LTN1: variants seen among roughly 807,000 people sequenced by gnomAD.
LTN1 encodes E3 ubiquitin-protein ligase listerin.
A neutral mutation model predicts 201.2 loss-of-function variants in LTN1; 88 were observed. The ratio of observed to expected loss-of-function variants is 0.44; its 90% CI spans 0.37 to 0.52. The LOEUF (loss-of-function observed/expected upper bound fraction) is 0.52, where lower values mean the gene tolerates loss of function less well. Among genes scored for constraint, LTN1 ranks in the 20% least tolerant of loss-of-function variants. LTN1 has a pLI of 0.00. For synonymous variants in LTN1, 645 were observed against 713.5 expected, an observed-to-expected ratio of 0.90 and a Z score of 1.53; for missense variants, 1,752 against 2,038.7, an observed-to-expected ratio of 0.86 and a Z score of 2.71.
Position 28,935,196 on chromosome 21 carries a change from T to C in LTN1, c.4788A>G (p.Arg1596=). 6.2e-7 allele frequency: 1 copy of C among 1,613,636 alleles called. No homozygotes were observed. Among genetic ancestry groups the C allele is most frequent in the Non-Finnish European group, 8.5e-7 (1 of 1,179,502 alleles). Residue 1596 remains arginine (R), a synonymous_variant, in exon 27 of 30, where the codon AGA becomes AGG. Coordinates refer to ENST00000361371, the MANE Select transcript of LTN1 (RefSeq NM_015565.3). ...CACTGCTGACATACTTGCTTGTAAATCTATCCACAATATTGAAAACACGCT... is the reference window on the plus strand; with the variant it reads ...CACTGCTGACATACTTGCTTGTAAACCTATCCACAATATTGAAAACACGCT... ...SEKRVFNIVD[R]FTSKYVSSVL... is the part of the protein sequence containing the mutation.
rs565479142 is a variant in LTN1 at position 28,992,433 on chromosome 21, C to T, written c.42+331G>A. 5.9e-5 allele frequency among the ~76,000 whole-genome samples: 9 copies of T among 152,246 alleles called. No homozygotes were observed. The South Asian group carries it at 1.7e-3, about 28-fold the overall frequency. ...AACATTCTCCCAACTCTCCTTCTTC[C>T]CAGCGCCGCCCTCCCCCAACCAACC... On this transcript the variant is annotated intron_variant, in intron 1 of 29. Coordinates refer to ENST00000361371, the MANE Select transcript of LTN1 (RefSeq NM_015565.3).
intron 25 of LTN1, among the ~76,000 whole-genome samples, chr21:28,937,514 T>C (rs552026383): frequency 6.6e-6 from 1 of 152,322 alleles, no homozygotes; most frequent in African/African-American, 2.4e-5. Context: ...ATTTATCCTT[T>C]CTTTGTGTAA....
At chr21:28,987,213 T>C (rs1346881011) in intron 1 of LTN1, among the ~76,000 whole-genome samples, 1 of 152,200 alleles carries the variant, frequency 6.6e-6, no homozygotes, top group African/African-American at 2.4e-5. Context: ...ATCAATATAA[T>C]GGACCATGAC....
chr21:28,967,243 A>C (rs1461482517), intron 9 of LTN1, 64 bp from the exon 10 acceptor site: 15 of 1,153,256 alleles, frequency 1.3e-5, no homozygotes, highest in Non-Finnish European at 1.8e-5. Flanking sequence ...CTCCTGGCAC[A>C]CAACTCTAAA....
intron 11 of LTN1, 21 bp downstream of exon 11, chr21:28,965,844 A>AG: frequency 1.5e-6 from 2 of 1,310,810 alleles, no homozygotes; most frequent in Non-Finnish European, 1.1e-6. Flanking sequence ...AAAAAAAAAG[A>AG]AAAAAAAATC....
In LTN1 at chr21:28,929,318, C is replaced by G. The variant is rs1264633624; in HGVS notation, c.*1130G>C. 1 of 152,518 alleles carries G rather than the reference C, an allele frequency of 6.6e-6. No individual in the cohort carries two copies. Among genetic ancestry groups the G allele is most frequent in the African/African-American group, 2.4e-5 (1 of 41,428 alleles). The allele number at this position is 152,518 out of a possible 1,614,324, so 9.4% of individuals were successfully genotyped here. On this transcript the variant is annotated 3_prime_UTR_variant, in exon 30 of 30. Coordinates refer to ENST00000361371, the MANE Select transcript of LTN1 (RefSeq NM_015565.3). ...GCTATTTCCATGTAATGGAAGACTG[C>G]AATAAAATTATTCCAAGTTCTAAAG... is the stretch of plus-strand genomic sequence containing the variant.
At chr21:28,980,787 G>C (rs2084652501) in intron 6 of LTN1, among the ~76,000 whole-genome samples, 1 of 152,034 alleles carries the variant, frequency 6.6e-6, no homozygotes, top group South Asian at 2.1e-4. Context: ...TAGTAGACCA[G>C]TCAGCCAGTG....
At chr21:28,932,394 T>C in intron 28 of LTN1, 76 bp downstream of exon 28, 1 of 1,156,552 alleles carries the variant, frequency 8.6e-7, no homozygotes, top group Non-Finnish European at 1.3e-6. Context: ...AAAAGATATA[T>C]TTTATGTTTA....
chr21:28,957,755 CT>C lies in LTN1; in HGVS notation c.2748-280del, dbSNP rs558521649. 2.1e-4 allele frequency among the ~76,000 whole-genome samples: 32 copies of C among 152,216 alleles called. No individual in the cohort carries two copies. The East Asian group carries it at 5.6e-3, about 27-fold the overall frequency. ...CAGACCAGGTATTTCAGAAATACAG[CT>C]ACCTTATGAAATGCAGCACTATTTT... On this transcript the variant is annotated intron_variant, in intron 14 of 29. Transcript: ENST00000361371.
intron 18 of LTN1, among the ~76,000 whole-genome samples, chr21:28,950,993 G>A (rs1022030425): frequency 1.3e-5 from 2 of 152,150 alleles, no homozygotes; most frequent in African/African-American, 4.8e-5. Flanking sequence ...GGTCACAGAT[G>A]TGAGCTACAC....
rs893195235 is a variant in LTN1, at chr21:28,986,219, T to C, written c.265A>G (p.Thr89Ala). 6.2e-7 allele frequency: 1 copy of C among 1,608,148 alleles called. No individual in the cohort carries two copies. The highest frequency in any genetic ancestry group is 1.3e-5 in the African/African-American group (1 of 74,818). Residue 89 changes from threonine to alanine, a missense_variant, in exon 3 of 30, where the codon ACC (threonine) becomes GCC (alanine). Coordinates refer to ENST00000361371, the MANE Select transcript of LTN1 (RefSeq NM_015565.3). This position sits in a 1 kb window ranked among gnomAD's most constrained non-coding sequence, Gnocchi z 4.1. ...TCTGTGTCTCTCTCTGTACACATGG[T>C]TCCAAATTCCTGCATAGCCTAAAAG... ...TKLKAMQEFG[T>A]MCTERDTETV... is the part of the protein sequence containing the mutation.
intron 27 of LTN1, among the ~76,000 whole-genome samples, chr21:28,934,709 G>A (rs529017044): frequency 3.3e-5 from 5 of 152,130 alleles, no homozygotes; most frequent in African/African-American, 1.2e-4. Flanking sequence ...CACCCACCTC[G>A]GCCTCCCAAA....
At chr21:28,957,207 A>C in intron 15 of LTN1, 125 bp downstream of exon 15, 1 of 964,404 alleles carries the variant, frequency 1.0e-6, no homozygotes, top group Non-Finnish European at 1.5e-6. Flanking sequence ...TGAGCATACA[A>C]AGACATCAAA....
rs755700130 is a variant in LTN1, at chr21:28,986,417, G to GT, written c.247-181dup. On this transcript the variant is annotated intron_variant, in intron 2 of 29. Transcript: ENST00000361371. The surrounding 1 kb of genome is among the most constrained non-coding windows in gnomAD (Gnocchi z 4.1). Reference sequence around the variant, plus strand: ...CTACTACGGTAGAAACTCTTCAGTTGTTTTTTTAAAAATAAAACATCTACA... The same window carrying GT: ...CTACTACGGTAGAAACTCTTCAGTTGTTTTTTTTAAAAATAAAACATCTACA... 7.3e-6 allele frequency: 5 copies of GT among 681,918 alleles called. No individual in the cohort carries two copies. Among genetic ancestry groups the GT allele is most frequent in the South Asian group, 3.2e-5 (2 of 62,834 alleles). 42.2% of individuals were successfully genotyped at this position (681,918 alleles called of 1,614,324 possible).
chr21:28,981,101 T>TA lies in LTN1; in HGVS notation c.810+17dup, dbSNP rs1224846303. ...AAGGAATCAGAGAAATGTCTTAAGA[T>TA]AAAAAAGATTAATATACCTGAGGTA... On this transcript the variant is annotated intron_variant, in intron 6 of 29. Coordinates refer to ENST00000361371, the MANE Select transcript of LTN1 (RefSeq NM_015565.3). The TA allele has an allele frequency of 3.5e-6, 5 of 1,441,132 alleles. No homozygotes were observed. In the South Asian group the frequency reaches 7.3e-5, roughly 21 times the overall value. The allele number at this position is 1,441,132 out of a possible 1,614,324, so 89.3% of individuals were successfully genotyped here. A position where few individuals can be genotyped will look rare whatever the true frequency, so the allele number is the denominator to read the frequency against.
rs2146318569 is a variant in LTN1 at position 28,986,341 on chromosome 21, A to C, written c.247-104T>G. 2 of 748,978 alleles carry C rather than the reference A, an allele frequency of 2.7e-6. No individual in the cohort carries two copies. The highest frequency in any genetic ancestry group is 3.1e-5 in the South Asian group (2 of 63,638). 46.4% of individuals were successfully genotyped at this position (748,978 alleles called of 1,614,324 possible). ...TCTATTTTATGTAATAGGAGAATAC[A>C]CTATTTCTCTTTATGCCATATGAGA... On this transcript the variant is annotated intron_variant, in intron 2 of 29. Transcript: ENST00000361371. This position sits in a 1 kb window ranked among gnomAD's most constrained non-coding sequence, Gnocchi z 4.1.
chr21:28,935,329 TC>T lies in LTN1; in HGVS notation c.4655-1del. 6.2e-7 allele frequency: 1 copy of T among 1,604,344 alleles called. No individual in the cohort carries two copies. Among genetic ancestry groups the T allele is most frequent in the Non-Finnish European group, 8.5e-7 (1 of 1,172,484 alleles). On this transcript the variant is annotated splice_acceptor_variant, in intron 26 of 29. Transcript: ENST00000361371. LOFTEE classifies it high-confidence loss of function. ...AATGTGGTATGGAAGCATTGTTGTTTCTGAGGAAAAAACAAATTATTGATTA... is the reference window on the plus strand; with the variant it reads ...AATGTGGTATGGAAGCATTGTTGTTTTGAGGAAAAAACAAATTATTGATTA...
chr21:28,929,220 T>C lies in LTN1; in HGVS notation c.*1228A>G, dbSNP rs2084192269. 6.6e-6 allele frequency: 1 copy of C among 152,626 alleles called. No homozygotes were observed. The highest frequency in any genetic ancestry group is 1.5e-5 in the Non-Finnish European group (1 of 68,004). The allele number at this position is 152,626 out of a possible 1,614,324, so 9.5% of individuals were successfully genotyped here. On this transcript the variant is annotated 3_prime_UTR_variant, in exon 30 of 30. Coordinates refer to ENST00000361371, the MANE Select transcript of LTN1 (RefSeq NM_015565.3). Reference sequence around the variant, plus strand: ...AAGCAGTAATTTTATTTATCATGAATTGCTTTTTGCCAATTAAACATGTGC... The same window carrying C: ...AAGCAGTAATTTTATTTATCATGAACTGCTTTTTGCCAATTAAACATGTGC...
chr21:28,943,525 G>T, intron 23 of LTN1, 142 bp downstream of exon 23: 1 of 703,346 alleles, frequency 1.4e-6, no homozygotes. Flanking sequence ...TAAAAGATGA[G>T]GCAACTTAGG....
Sources: gnomAD v4.1 joint callset for allele counts (sites outside exome capture counted in the v4.1 genomes callset) on GRCh38, gnomAD v4.1.1 for gene constraint, Gnocchi (gnomAD v3.1) non-coding constraint, MANE v1.5 for transcripts, NCBI Gene and HGNC (gene_info 2026-07-23, HGNC 2026-07-21) for gene names.